The following CEP135 variants were observed in gnomAD, a reference collection of about 807,000 sequenced individuals.
CEP135 encodes the protein centrosomal protein of 135 kDa.
Under a neutral mutation model 157.3 loss-of-function variants are expected in CEP135, and 142 were observed. That is an observed-to-expected ratio of 0.90 (90% CI 0.79 to 1.04). CEP135 has a LOEUF of 1.04. Ranked by LOEUF, CEP135 falls within the 50% of genes least tolerant of loss-of-function variation. The pLI, the probability that CEP135 is intolerant of heterozygous loss-of-function variation, is 0.00. For missense variants in CEP135, 1,317 were observed against 1,309.2 expected (o/e 1.01, Z -0.09); for synonymous variants, 396 against 439.8 (o/e 0.90, Z 1.25).
chr4:56,015,851 A>G (rs1730754892), intron 21 of CEP135, among the ~76,000 whole-genome samples: 1 of 152,106 alleles, frequency 6.6e-6, no homozygotes, highest in Non-Finnish European at 1.5e-5. Context: ...GTTAGGATGG[A>G]GTGAATGTGT....
At chr4:55,953,504 A>G (rs954940192) in intron 3 of CEP135, among the ~76,000 whole-genome samples, 7 of 152,138 alleles carry the variant, frequency 4.6e-5, no homozygotes, top group South Asian at 2.1e-4. Context: ...TGTTTCAAAA[A>G]AAAAGAAAAG....
chr4:56,023,272 A>G (rs116022387), intron 24 of CEP135, among the ~76,000 whole-genome samples: 112 of 152,098 alleles, frequency 7.4e-4, no homozygotes, highest in African/African-American at 2.7e-3. Context: ...ACATCAAAGT[A>G]TAGGCAGGAG....
chr4:56,012,049 T>G (rs1577907932), intron 21 of CEP135, 64 bp downstream of exon 21: 1 of 902,874 alleles, frequency 1.1e-6, no homozygotes, highest in African/African-American at 1.7e-5. Flanking sequence ...CAAAGATACT[T>G]TATTTATTTA....
chr4:55,972,735 T>C (rs1354619069), intron 10 of CEP135, among the ~76,000 whole-genome samples: 2 of 152,164 alleles, frequency 1.3e-5, no homozygotes, highest in African/African-American at 2.4e-5. Context: ...GAACCATGTA[T>C]AAAAGTTTAA....
In CEP135 at chr4:55,952,168, G is replaced by C; in HGVS notation, c.38G>C (p.Arg13Thr). The C allele has an allele frequency of 1.2e-6, 2 of 1,612,976 alleles. No homozygotes were observed. Among genetic ancestry groups the C allele is most frequent in the Non-Finnish European group, 1.7e-6 (2 of 1,179,018 alleles). The change falls in exon 2 of 26, where the codon AGG becomes ACG. Residue 13 changes from arginine (R) to threonine (T), a missense_variant. Arg to Thr is a moderately conservative substitution (Grantham distance 71). Coordinates refer to ENST00000257287, the MANE Select transcript of CEP135 (RefSeq NM_025009.5). ...TAVERKYINI[R>T]KRLDQLGYRQ... ...GTAGAGAGAAAGTATATTAATATTA[G>C]GAAAAGGCTGGATCAGCTGGGATAC...
In CEP135 at chr4:55,959,752, G is replaced by C. The variant is rs1392653755; in HGVS notation, c.685G>C (p.Asp229His). 6.2e-7 allele frequency: 1 copy of C among 1,613,584 alleles called. No individual in the cohort carries two copies. Among genetic ancestry groups the C allele is most frequent in the Non-Finnish European group, 8.5e-7 (1 of 1,179,614 alleles). Residue 229 changes from aspartate to histidine, a missense_variant, in exon 6 of 26, where the codon GAC becomes CAC. Physicochemically the swap from Asp to His is moderately conservative, Grantham distance 81 (BLOSUM62 -1). Transcript: ENST00000257287. ...KLAMMESGVR[D>H]YSKQIELRER... ...AGCAATGATGGAAAGTGGGGTGAGA[G>C]ACTATAGCAAGCAGGTAGGATTTTT... is the stretch of plus-strand genomic sequence containing the variant.
intron 17 of CEP135, 74 bp downstream of exon 17, chr4:55,999,719 G>A: frequency 1.4e-6 from 2 of 1,428,038 alleles, no homozygotes; most frequent in Non-Finnish European, 1.9e-6. Context: ...TTGAGATGGG[G>A]TCTCACTCTG....
intron 1 of CEP135, among the ~76,000 whole-genome samples, 166 bp downstream of exon 1, chr4:55,949,225 T>A (rs1728269933): frequency 6.6e-6 from 1 of 152,132 alleles, no homozygotes; most frequent in Non-Finnish European, 1.5e-5. Flanking sequence ...GCGCGGGGAC[T>A]CTTCCCACCC....
chr4:55,969,774 CTA>C (rs1157830504), intron 9 of CEP135, among the ~76,000 whole-genome samples: 1 of 152,134 alleles, frequency 6.6e-6, no homozygotes, highest in Non-Finnish European at 1.5e-5. Flanking sequence ...TGTTAGTTGA[CTA>C]ATATTAAAAC....
At chr4:55,987,369 C>T (rs1275531935) in intron 14 of CEP135, among the ~76,000 whole-genome samples, 1 of 152,190 alleles carries the variant, frequency 6.6e-6, no homozygotes, top group African/African-American at 2.4e-5. Context: ...AGCTCTCACT[C>T]TTTGCACCTC....
At chr4:55,966,884 A>G (rs1467317734) in intron 8 of CEP135, among the ~76,000 whole-genome samples, 1 of 152,168 alleles carries the variant, frequency 6.6e-6, no homozygotes, top group Non-Finnish European at 1.5e-5. Flanking sequence ...GTTTAAATGG[A>G]AAGGGTGATA....
At chr4:56,012,292 G>C (rs1730615232) in intron 21 of CEP135, among the ~76,000 whole-genome samples, 1 of 152,154 alleles carries the variant, frequency 6.6e-6, no homozygotes. Context: ...CTGACCTTGA[G>C]TGATCCACCT....
rs755455281 is a variant in CEP135 at position 55,980,073 on chromosome 4, A to G, written c.1474-70A>G. ...TTTGTCTGGTAGCATCTTTCAGTCA[A>G]TCTCATCATCAGTATCCTTGTGACA... On this transcript the variant is annotated intron_variant, in intron 11 of 25. Coordinates refer to ENST00000257287, the MANE Select transcript of CEP135 (RefSeq NM_025009.5). The G allele has an allele frequency of 7.4e-5, 92 of 1,236,650 alleles. No homozygotes were observed. In the Middle Eastern group the frequency reaches 9.8e-4, roughly 13 times the overall value. The allele number at this position is 1,236,650 out of a possible 1,614,324, so 76.6% of individuals were successfully genotyped here. A position where few individuals can be genotyped will look rare whatever the true frequency, so the allele number is the denominator to read the frequency against.
At chr4:55,969,530 A>G (rs954785691) in intron 9 of CEP135, among the ~76,000 whole-genome samples, 1 of 151,608 alleles carries the variant, frequency 6.6e-6, no homozygotes, top group Non-Finnish European at 1.5e-5. Flanking sequence ...AGATTTATCT[A>G]TTCTGGCCAT....
chr4:55,954,820 C>T (rs1486000762), intron 4 of CEP135, among the ~76,000 whole-genome samples: 2 of 152,274 alleles, frequency 1.3e-5, no homozygotes, highest in African/African-American at 4.8e-5. Flanking sequence ...TGCAGTGGCT[C>T]ACACCTGTAA....
At position 55,967,071 on chromosome 4, in the gene CEP135, C is replaced by T. The variant is rs556088831; in HGVS notation, c.1044+1212C>T. 7.4e-4 allele frequency among the ~76,000 whole-genome samples: 111 copies of T among 150,678 alleles called. 2 individuals carry two copies. The highest frequency in any genetic ancestry group is 2.6e-3 in the African/African-American group (108 of 41,002). On this transcript the variant is annotated intron_variant, in intron 8 of 25. Transcript: ENST00000257287. ...ATGATCATACTATCATACATCTGTA[C>T]AATAAAAAGAATAAATTTAAAAAGA...
At chr4:55,950,999 T>TCAA (rs1728345660) in intron 1 of CEP135, among the ~76,000 whole-genome samples, 1 of 152,244 alleles carries the variant, frequency 6.6e-6, no homozygotes, top group Non-Finnish European at 1.5e-5. Flanking sequence ...TACTTGTTCA[T>TCAA]CAACTTCATG....
chr4:56,003,266 C>T (rs1031398433), intron 17 of CEP135, among the ~76,000 whole-genome samples: 2 of 150,552 alleles, frequency 1.3e-5, no homozygotes, highest in African/African-American at 2.5e-5. Flanking sequence ...TGGCTCACTG[C>T]AAGCTCCGCC....
At chr4:56,009,030 C>G (rs1409671411) in intron 18 of CEP135, among the ~76,000 whole-genome samples, 1 of 152,186 alleles carries the variant, frequency 6.6e-6, no homozygotes, top group Non-Finnish European at 1.5e-5. Flanking sequence ...TTCTGAGTAG[C>G]TGAGACTGCA....
Sources: gnomAD v4.1 joint callset for allele counts (sites outside exome capture counted in the v4.1 genomes callset) on GRCh38, gnomAD v4.1.1 for gene constraint, MANE v1.5 for transcripts, NCBI Gene and HGNC (gene_info 2026-07-23, HGNC 2026-07-21) for gene names.